FAR1: variants seen among roughly 807,000 people sequenced by gnomAD.
The protein encoded by FAR1 is male sterility domain-containing protein 2.
FAR1 carries 22 observed loss-of-function variants against 61.1 expected under a neutral mutation model. The observed-to-expected ratio is 0.36, with a 90% CI of 0.26 to 0.51. The LOEUF is 0.51. Ranked by LOEUF, FAR1 falls within the 20% of genes least tolerant of loss-of-function variation. The pLI, the probability that FAR1 is intolerant of heterozygous loss-of-function variation, is 0.95. For missense variants in FAR1, 359 were observed against 626.9 expected, an observed-to-expected ratio of 0.57 and a Z score of 4.56; for synonymous variants, 206 against 209.7, an observed-to-expected ratio of 0.98 and a Z score of 0.15.
intron 1 of FAR1, among the ~76,000 whole-genome samples, chr11:13,681,724 C>G (rs1331247900): frequency 6.6e-6 from 1 of 152,174 alleles, no homozygotes; most frequent in Non-Finnish European, 1.5e-5. Flanking sequence ...GCCAGAATTG[C>G]TTAGCTGAGC....
At chr11:13,670,059 T>G (rs1036973334) in intron 1 of FAR1, 1 of 152,146 alleles carries the variant, frequency 6.6e-6, no homozygotes, top group African/African-American at 2.4e-5. Context: ...CCTGATGTAT[T>G]TTTTTCAAAT....
Position 13,708,013 on chromosome 11 carries a change from G to A in FAR1, c.479G>A (p.Arg160His), listed in dbSNP as rs139416149. 8.3e-5 allele frequency: 134 copies of A among 1,608,386 alleles called. No individual in the cohort carries two copies. Among genetic ancestry groups the A allele is most frequent in the African/African-American group, 7.9e-4 (59 of 74,644 alleles). The change falls in exon 4 of 12, where the codon CGC becomes CAC. Residue 160 changes from arginine to histidine, a missense_variant. Coordinates refer to ENST00000354817, the MANE Select transcript of FAR1 (RefSeq NM_032228.6). ...HVSTAYAYCN[R>H]KHIDEVVYPP... is the part of the protein sequence containing the mutation. The stretch of plus-strand genomic sequence containing the variant: ...TCAACAGCATATGCCTACTGTAATC[G>A]CAAGCATATTGATGAAGTAGTCTAT...
At chr11:13,683,528 T>C (rs1848152834) in intron 1 of FAR1, among the ~76,000 whole-genome samples, 1 of 151,838 alleles carries the variant, frequency 6.6e-6, no homozygotes, top group African/African-American at 2.4e-5. Context: ...GTCTCTTCAT[T>C]GGTAAGTTTT....
chr11:13,672,238 A>C (rs1241243080), intron 1 of FAR1, among the ~76,000 whole-genome samples: 1 of 152,152 alleles, frequency 6.6e-6, no homozygotes, highest in Non-Finnish European at 1.5e-5. Context: ...GACCCCTTGT[A>C]ATGTTTTAAT....
chr11:13,680,257 C>T (rs1376267746), intron 1 of FAR1, among the ~76,000 whole-genome samples: 1 of 152,062 alleles, frequency 6.6e-6, no homozygotes. Context: ...AGATTTCTTT[C>T]AGGTGAGGTT....
intron 1 of FAR1, among the ~76,000 whole-genome samples, chr11:13,679,040 G>A (rs559731980): frequency 3.7e-4 from 56 of 152,060 alleles, no homozygotes; most frequent in African/African-American, 1.2e-3. Context: ...CTATAACATC[G>A]GTTTTACTTC....
intron 1 of FAR1, among the ~76,000 whole-genome samples, chr11:13,678,814 T>C (rs1473483566): frequency 6.6e-6 from 1 of 152,176 alleles, no homozygotes; most frequent in African/African-American, 2.4e-5. Flanking sequence ...TATAGTTTCC[T>C]AGCACCATTT....
chr11:13,728,772 T>C lies in FAR1; in HGVS notation c.1546T>C (p.Ter516ArgextTer7). The C allele has an allele frequency of 6.2e-7, 1 of 1,610,462 alleles. No individual in the cohort carries two copies. The highest frequency in any genetic ancestry group is 8.5e-7 in the Non-Finnish European group (1 of 1,177,496). ...CCGAGCATCCAGCACTATGAGATAC[T>C]GAAGACCAAGGATTCAGCATTAGAA... ...YFRASSTMRY[*>R] The change falls in exon 12 of 12, where the codon TGA (stop) becomes CGA (arginine). Residue 516 changes from the stop codon to arginine (R), a stop_lost. Transcript: ENST00000354817.
chr11:13,708,139 G>A lies in FAR1; in HGVS notation c.545+60G>A, dbSNP rs954332021. ...GATCCCAAAAGAGGCCAAGGCGGGC[G>A]GATCATGAGGTCAGGAGTTCAAGAG... On this transcript the variant is annotated intron_variant, in intron 4 of 11. Coordinates refer to ENST00000354817, the MANE Select transcript of FAR1 (RefSeq NM_032228.6). The A allele has an allele frequency of 2.4e-5, 29 of 1,215,512 alleles. No individual in the cohort carries two copies. The South Asian group carries it at 2.9e-4, about 12-fold the overall frequency. 75.3% of individuals were successfully genotyped at this position (1,215,512 alleles called of 1,614,324 possible).
chr11:13,699,459 G>T (rs902433976), intron 2 of FAR1, among the ~76,000 whole-genome samples: 1 of 152,196 alleles, frequency 6.6e-6, no homozygotes. Flanking sequence ...AGTCATCCAG[G>T]AATGTGGAAG....
chr11:13,717,063 T>G (rs537108270), intron 9 of FAR1, among the ~76,000 whole-genome samples: 1 of 151,334 alleles, frequency 6.6e-6, no homozygotes, highest in East Asian at 2.0e-4. Context: ...AAGTACAATC[T>G]GCTATAGTCA....
At position 13,713,159 on chromosome 11, in the gene FAR1, C is replaced by T. The variant is rs554124912; in HGVS notation, c.955+126C>T. The T allele has an allele frequency of 4.9e-6, 4 of 809,406 alleles. No individual in the cohort carries two copies. The East Asian group carries it at 7.4e-5, about 15-fold the overall frequency. The allele number at this position is 809,406 out of a possible 1,614,324, so 50.1% of individuals were successfully genotyped here. On this transcript the variant is annotated intron_variant, in intron 8 of 11. Coordinates refer to ENST00000354817, the MANE Select transcript of FAR1 (RefSeq NM_032228.6). The stretch of plus-strand genomic sequence containing the variant: ...GAGTTACCAATTTGTTCTTAATTGT[C>T]GTCTTAGAAGTATTATCTACCAATA...
At chr11:13,672,649 TG>T (rs1242388607) in intron 1 of FAR1, among the ~76,000 whole-genome samples, 2 of 148,296 alleles carry the variant, frequency 1.3e-5, no homozygotes, top group African/African-American at 4.8e-5. Flanking sequence ...AGTCTGAACT[TG>T]GGGTAGGAGA....
Position 13,710,797 on chromosome 11 carries a change from A to G in FAR1, c.650A>G (p.Gln217Arg). Reference sequence around the variant, plus strand: ...GCATTGGCAGAATATGTTGTACAACAAGAAGGAGCAAAACTAAATGTGGCA... The same window carrying G: ...GCATTGGCAGAATATGTTGTACAACGAGAAGGAGCAAAACTAAATGTGGCA... ...TKALAEYVVQ[Q>R]EGAKLNVAIV... The change falls in exon 5 of 12, where the codon CAA (glutamine) becomes CGA (arginine). Residue 217 changes from glutamine to arginine, a missense_variant. By Grantham distance (43) the Gln-to-Arg change is conservative. This residue lies in a region of FAR1 where 344 missense variants were observed against 570.3 expected (regional missense o/e 0.60). Transcript: ENST00000354817. 1 of 1,613,250 alleles carries G rather than the reference A, an allele frequency of 6.2e-7. No homozygotes were observed. Among genetic ancestry groups the G allele is most frequent in the East Asian group, 2.2e-5 (1 of 44,792 alleles).
At chr11:13,709,410 T>C (rs1848474445) in intron 4 of FAR1, among the ~76,000 whole-genome samples, 1 of 152,154 alleles carries the variant, frequency 6.6e-6, no homozygotes, top group South Asian at 2.1e-4. Context: ...AGTGTGAAAG[T>C]TAATGGAGCA....
intron 1 of FAR1, among the ~76,000 whole-genome samples, chr11:13,675,161 CTT>C (rs1262364807): frequency 6.6e-6 from 1 of 151,066 alleles, no homozygotes; most frequent in East Asian, 1.9e-4. Flanking sequence ...TATTTTGAGA[CTT>C]GAGCATTATA....
At position 13,712,542 on chromosome 11, in the gene FAR1, T is replaced by C. The variant is rs573068861; in HGVS notation, c.888-424T>C. 2.6e-3 allele frequency among the ~76,000 whole-genome samples: 392 copies of C among 149,726 alleles called. 3 individuals are homozygous for C. The highest frequency in any genetic ancestry group is 9.5e-3 in the African/African-American group (374 of 39,304). On this transcript the variant is annotated intron_variant, in intron 7 of 11. Transcript: ENST00000354817. ...AGTAAACTACCCTTATTTTTGATAA[T>C]CAGTATTTTCTGTCCTAAAAAAAGA...
intron 1 of FAR1, among the ~76,000 whole-genome samples, chr11:13,682,468 G>T (rs1480482869): frequency 6.6e-6 from 1 of 152,116 alleles, no homozygotes; most frequent in Non-Finnish European, 1.5e-5. Flanking sequence ...TGCTTTTCTG[G>T]TACAGTGGCA....
intron 1 of FAR1, among the ~76,000 whole-genome samples, chr11:13,688,380 T>G (rs1389822171): frequency 1.3e-5 from 2 of 152,162 alleles, no homozygotes; most frequent in African/African-American, 4.8e-5. Flanking sequence ...TTGAGGAGAA[T>G]TAAGCCTAAC....
Sources: gnomAD v4.1 joint callset for allele counts (sites outside exome capture counted in the v4.1 genomes callset) on GRCh38, gnomAD v4.1.1 for gene constraint, gnomAD v4.1.1 regional missense constraint, MANE v1.5 for transcripts, NCBI Gene and HGNC (gene_info 2026-07-23, HGNC 2026-07-21) for gene names.